The following CNTN4 variants were observed in gnomAD, a reference collection of about 807,000 sequenced individuals.
The protein encoded by CNTN4 is contactin-4.
Under a neutral mutation model 122.5 loss-of-function variants are expected in CNTN4, and 77 were observed. That is an observed-to-expected ratio of 0.63 (90% CI 0.52 to 0.76). CNTN4 has a LOEUF of 0.76. Ranked by LOEUF, CNTN4 falls within the 30% of genes least tolerant of loss-of-function variation. The pLI, the probability that CNTN4 is intolerant of heterozygous loss-of-function variation, is 0.00. For missense variants in CNTN4, 1,256 were observed against 1,259.1 expected (o/e 1.00, Z 0.04); for synonymous variants, 512 against 447.0 (o/e 1.15, Z -1.83).
intron 2 of CNTN4, among the ~76,000 whole-genome samples, chr3:2,120,865 A>G (rs1417309410): frequency 6.6e-6 from 1 of 152,116 alleles, no homozygotes; most frequent in Non-Finnish European, 1.5e-5. Flanking sequence ...ACAGTGTACC[A>G]AGGAAGTCAC....
chr3:2,844,252 T>G (rs1160749627), intron 7 of CNTN4, among the ~76,000 whole-genome samples: 1 of 152,250 alleles, frequency 6.6e-6, no homozygotes, highest in African/African-American at 2.4e-5. Context: ...GCTTTGTTCT[T>G]AATCGCATGT....
chr3:2,743,077 C>T (rs559530667), intron 5 of CNTN4, among the ~76,000 whole-genome samples: 1 of 152,294 alleles, frequency 6.6e-6, no homozygotes, highest in South Asian at 2.1e-4. Context: ...GGAAAACCTA[C>T]AGAGGAGCTC....
At chr3:2,907,483 G>C (rs570818430) in intron 12 of CNTN4, among the ~76,000 whole-genome samples, 1 of 151,078 alleles carries the variant, frequency 6.6e-6, no homozygotes, top group Non-Finnish European at 1.5e-5. Context: ...TGAGGCAGGA[G>C]AATCACTTGA....
chr3:2,578,345 A>G (rs2079788396), intron 4 of CNTN4, among the ~76,000 whole-genome samples: 1 of 152,184 alleles, frequency 6.6e-6, no homozygotes, highest in Non-Finnish European at 1.5e-5. Flanking sequence ...CTCCATGAGC[A>G]CCATTTTTCT....
intron 2 of CNTN4, among the ~76,000 whole-genome samples, chr3:2,298,730 T>G (rs2042399249): frequency 6.6e-6 from 1 of 152,220 alleles, no homozygotes; most frequent in Non-Finnish European, 1.5e-5. Flanking sequence ...ATGTTATTCC[T>G]GAAGACTACA....
intron 6 of CNTN4, among the ~76,000 whole-genome samples, chr3:2,784,480 A>T (rs550253841): frequency 1.2e-4 from 19 of 152,194 alleles, no homozygotes; most frequent in Non-Finnish European, 2.6e-4. Context: ...TCTTTGCCTG[A>T]AGTCATACAA....
At chr3:2,669,369 G>T (rs2084363548) in intron 4 of CNTN4, among the ~76,000 whole-genome samples, 1 of 152,106 alleles carries the variant, frequency 6.6e-6, no homozygotes, top group East Asian at 1.9e-4. Context: ...ATTTTCTAGT[G>T]CATTTGCATA....
chr3:2,314,749 T>C (rs1223506974), intron 2 of CNTN4, among the ~76,000 whole-genome samples: 1 of 151,848 alleles, frequency 6.6e-6, no homozygotes, highest in African/African-American at 2.4e-5. Flanking sequence ...ATTAACAAAA[T>C]GAGAAAAAAT....
rs74657655 is a variant in CNTN4, at chr3:3,023,362, C to T, written c.1487-2740C>T. ...GCAGCTGTCAGCACAACAACTGCAC[C>T]AACATAATCCTTGACTCAGGGAACT... is the stretch of plus-strand genomic sequence containing the variant. On this transcript the variant is annotated intron_variant, in intron 14 of 24. Coordinates refer to ENST00000418658, the MANE Select transcript of CNTN4 (RefSeq NM_175607.3). Among the ~76,000 whole-genome samples, 1,041 of 152,228 alleles carry T rather than the reference C, an allele frequency of 6.8e-3. 19 individuals carry two copies. The highest frequency in any genetic ancestry group is 0.024 in the African/African-American group (1,004 of 41,528).
chr3:2,727,839 C>G (rs2088345821), intron 4 of CNTN4, among the ~76,000 whole-genome samples: 2 of 152,112 alleles, frequency 1.3e-5, no homozygotes, highest in Non-Finnish European at 2.9e-5. Flanking sequence ...CGGTAGACTT[C>G]TCTGTTTCTT....
chr3:2,826,167 A>C (rs988276526), intron 7 of CNTN4, among the ~76,000 whole-genome samples: 5 of 152,176 alleles, frequency 3.3e-5, no homozygotes, highest in Non-Finnish European at 7.4e-5. Flanking sequence ...TATAGCAGAA[A>C]AACTGGAAAC....
intron 2 of CNTN4, among the ~76,000 whole-genome samples, chr3:2,230,800 C>T (rs1001704512): frequency 3.7e-4 from 56 of 151,966 alleles, no homozygotes; most frequent in African/African-American, 1.1e-3. Flanking sequence ...GCATGGGCAA[C>T]ATAGCAAAAA....
intron 14 of CNTN4, among the ~76,000 whole-genome samples, chr3:3,002,675 C>G (rs989327610): frequency 3.9e-5 from 6 of 152,062 alleles, no homozygotes; most frequent in African/African-American, 1.2e-4. Context: ...AATGAAGTCC[C>G]CTTCTAATTC....
chr3:2,379,541 T>G (rs1341772033), intron 3 of CNTN4, among the ~76,000 whole-genome samples: 1 of 152,216 alleles, frequency 6.6e-6, no homozygotes, highest in Non-Finnish European at 1.5e-5. Context: ...ATATAACTGC[T>G]ATGTTAGTAT....
chr3:2,338,565 A>C (rs2044051367), intron 2 of CNTN4, among the ~76,000 whole-genome samples: 1 of 151,976 alleles, frequency 6.6e-6, no homozygotes, highest in Admixed American at 6.6e-5. Context: ...GAAAACATAA[A>C]TATATACCTT....
intron 3 of CNTN4, among the ~76,000 whole-genome samples, chr3:2,514,765 T>G (rs954847374): frequency 4.0e-4 from 61 of 152,218 alleles, no homozygotes; most frequent in Non-Finnish European, 1.2e-4. Context: ...TTATTCTAAC[T>G]GGGCATTCAT....
chr3:2,781,002 G>C (rs2091545890), intron 6 of CNTN4, among the ~76,000 whole-genome samples: 1 of 152,118 alleles, frequency 6.6e-6, no homozygotes, highest in South Asian at 2.1e-4. Flanking sequence ...TAGGAAAGCA[G>C]GAGGCAAATC....
At chr3:2,178,452 G>GA (rs71056396) in intron 2 of CNTN4, among the ~76,000 whole-genome samples, 6 of 149,478 alleles carry the variant, frequency 4.0e-5, no homozygotes, top group Non-Finnish European at 4.5e-5. Context: ...CTGTGATTTA[G>GA]AAAAAAAAAA....
chr3:2,691,274 T>C lies in CNTN4; in HGVS notation c.56-44941T>C, dbSNP rs529158661. On this transcript the variant is annotated intron_variant, in intron 4 of 24. Coordinates refer to ENST00000418658, the MANE Select transcript of CNTN4 (RefSeq NM_175607.3). ...ATCATATTATAAACCACCTTACCTA[T>C]AATATGCCCTCATCGTTTGTTGAAA... Among the ~76,000 whole-genome samples, 7 of 152,290 alleles carry C rather than the reference T, an allele frequency of 4.6e-5. No homozygotes were observed. The East Asian group carries it at 1.2e-3, about 25-fold the overall frequency.
Sources: allele counts gnomAD v4.1 joint callset (sites outside exome capture counted in the v4.1 genomes callset), GRCh38; gene constraint gnomAD v4.1.1; transcripts MANE v1.5; gene names NCBI Gene and HGNC (gene_info 2026-07-23, HGNC 2026-07-21).